Variants in RRM1 observed in about 807,000 individuals in gnomAD.
RRM1 encodes ribonucleotide reductase catalytic subunit M1, also known as ribonucleoside-diphosphate reductase large subunit.
In RRM1, 19 loss-of-function variants were observed where a neutral mutation model predicts 101.5. The ratio of observed to expected loss-of-function variants is 0.19; its 90% CI spans 0.13 to 0.27. The LOEUF is 0.27. RRM1 is among the 10% of genes least tolerant of loss of function. The pLI is 1.00. For missense variants in RRM1, 500 were observed against 962.9 expected (o/e 0.52, Z 6.36); for synonymous variants, 298 against 323.4 (o/e 0.92, Z 0.84).
chr11:4,129,611 GA>G (rs5789323), intron 15 of RRM1, among the ~76,000 whole-genome samples: 133,402 of 151,818 alleles, frequency 0.88, 58,918 homozygotes, highest in South Asian at 0.93. Context: ...TAGACTATAT[GA>G]AAAAAAAATT....
intron 1 of RRM1, among the ~76,000 whole-genome samples, chr11:4,099,677 GGCTTT>G (rs2094548541): frequency 1.3e-5 from 2 of 152,086 alleles, no homozygotes; most frequent in Admixed American, 6.6e-5. Context: ...AACTAAGAAA[GGCTTT>G]GCTTGAGAGA....
chr11:4,124,818 C>A (rs2094586927), intron 12 of RRM1, among the ~76,000 whole-genome samples: 1 of 142,856 alleles, frequency 7.0e-6, no homozygotes, highest in African/African-American at 2.5e-5. Flanking sequence ...TTAAAATGTA[C>A]AATTCAGTGT....
chr11:4,121,853 C>A, intron 10 of RRM1, 88 bp downstream of exon 10: 2 of 1,280,206 alleles, frequency 1.6e-6, no homozygotes, highest in African/African-American at 1.5e-5. Flanking sequence ...TTAGGAAGAG[C>A]CCATATGTGT....
intron 15 of RRM1, among the ~76,000 whole-genome samples, chr11:4,130,834 C>T (rs1022138477): frequency 3.9e-5 from 6 of 152,058 alleles, no homozygotes; most frequent in Non-Finnish European, 7.4e-5. Context: ...ATATGTAGGA[C>T]TTTTCACAAC....
chr11:4,107,998 G>A (rs1442756579), intron 4 of RRM1, among the ~76,000 whole-genome samples: 2 of 152,094 alleles, frequency 1.3e-5, no homozygotes, highest in Non-Finnish European at 2.9e-5. Context: ...TGTATGGTAG[G>A]TGTTTTGCTC....
intron 1 of RRM1, among the ~76,000 whole-genome samples, chr11:4,096,431 T>G (rs1408397992): frequency 1.3e-5 from 2 of 152,222 alleles, no homozygotes; most frequent in Non-Finnish European, 2.9e-5. Context: ...AAGCAGGTAG[T>G]TGATTTGGTT....
At chr11:4,137,683 C>G (rs1187394372) in intron 18 of RRM1, among the ~76,000 whole-genome samples, 1 of 19,752 alleles carries the variant, frequency 5.1e-5, no homozygotes, top group East Asian at 1.5e-3. Context: ...CTGACCCCCC[C>G]ACCTCCCTCC....
intron 2 of RRM1, among the ~76,000 whole-genome samples, chr11:4,104,972 T>C (rs1289518354): frequency 6.6e-6 from 1 of 152,074 alleles, no homozygotes; most frequent in Admixed American, 6.5e-5. Context: ...GAATGAAAAA[T>C]GGGGAAACCC....
At chr11:4,103,781 A>ATTTTTTTTTTTTT (rs36062278) in intron 2 of RRM1, among the ~76,000 whole-genome samples, 10 of 115,246 alleles carry the variant, frequency 8.7e-5, no homozygotes, top group African/African-American at 2.7e-4. Context: ...CCACCACGCT[A>ATTTTTTTTTTTTT]TTTTTTTTTT....
chr11:4,120,452 C>T (rs1340000285), intron 9 of RRM1, among the ~76,000 whole-genome samples: 2 of 152,060 alleles, frequency 1.3e-5, no homozygotes, highest in Admixed American at 6.5e-5. Flanking sequence ...TAGCCTTGAC[C>T]TCCTGGACTT....
intron 2 of RRM1, 97 bp from the exon 3 acceptor site, chr11:4,105,949 C>A: frequency 1.0e-6 from 1 of 983,344 alleles, no homozygotes; most frequent in Non-Finnish European, 1.6e-6. Context: ...TAGGCATGTA[C>A]TACCACACCT....
In RRM1 at chr11:4,138,369, A is replaced by G. The variant is rs758721852; in HGVS notation, c.2365A>G (p.Met789Val). 7.5e-6 allele frequency: 12 copies of G among 1,605,518 alleles called. No homozygotes were observed. Among genetic ancestry groups the G allele is most frequent in the Non-Finnish European group, 1.0e-5 (12 of 1,176,546 alleles). The change falls in exon 19 of 19, where the codon ATG (methionine) becomes GTG (valine). Residue 789 changes from methionine (M) to valine (V), a missense_variant. Transcript: ENST00000300738. Reference protein sequence around the residue: ...CSLENRDECLMCGS With the variant: ...CSLENRDECLVCGS Reference sequence around the variant, plus strand: ...TTTGGAGAATAGAGATGAATGTCTGATGTGTGGATCCTGAGGAAAGACTTG... The same window carrying G: ...TTTGGAGAATAGAGATGAATGTCTGGTGTGTGGATCCTGAGGAAAGACTTG...
chr11:4,121,476 CTTTTA>C (rs2094581824), intron 9 of RRM1, 123 bp from the exon 10 acceptor site: 4 of 553,976 alleles, frequency 7.2e-6, no homozygotes, highest in Non-Finnish European at 1.1e-5. Flanking sequence ...TTTTATAATA[CTTTTA>C]TTTATGTTAT....
intron 1 of RRM1, among the ~76,000 whole-genome samples, 174 bp downstream of exon 1, chr11:4,095,205 C>T (rs546197244): frequency 1.3e-5 from 2 of 152,316 alleles, no homozygotes; most frequent in East Asian, 3.9e-4. Flanking sequence ...GTCAGCCTGC[C>T]CCGAACCTCC....
intron 1 of RRM1, among the ~76,000 whole-genome samples, chr11:4,098,692 C>T (rs182044172): frequency 1.3e-5 from 2 of 152,186 alleles, no homozygotes; most frequent in Non-Finnish European, 2.9e-5. Flanking sequence ...TGCTAGGAAC[C>T]GTTGTAGGCA....
intron 13 of RRM1, 46 bp from the exon 14 acceptor site, chr11:4,126,989 G>A (rs760535913): frequency 6.5e-7 from 1 of 1,536,896 alleles, no homozygotes; most frequent in Non-Finnish European, 8.8e-7. Context: ...TGCTTTTCCT[G>A]TTCAGTAATG....
intron 14 of RRM1, 117 bp downstream of exon 14, chr11:4,127,373 T>G (rs1460298380): frequency 1.7e-6 from 1 of 595,220 alleles, no homozygotes. Context: ...TTAATTTCAT[T>G]TGGTTCAAAA....
At chr11:4,114,502 A>C (rs1565183060) in intron 7 of RRM1, among the ~76,000 whole-genome samples, 1 of 151,266 alleles carries the variant, frequency 6.6e-6, no homozygotes, top group Admixed American at 6.6e-5. Context: ...GTGAGCCAAC[A>C]TCGCACCACT....
In RRM1 at chr11:4,132,459, C is replaced by T; in HGVS notation, c.1905+38C>T. 1 of 1,608,902 alleles carries T rather than the reference C, an allele frequency of 6.2e-7. No individual in the cohort carries two copies. Among genetic ancestry groups the T allele is most frequent in the South Asian group, 1.1e-5 (1 of 90,620 alleles). On this transcript the variant is annotated intron_variant, in intron 16 of 18. Coordinates refer to ENST00000300738, the MANE Select transcript of RRM1 (RefSeq NM_001033.5). This position sits in a 1 kb window ranked among gnomAD's most constrained non-coding sequence, Gnocchi z 4.1. ...CAACCAGCCTTACAGGGAGATCTTT[C>T]AAAAGCCTGATGTTGGGAGTAAATG...
Sources: allele counts gnomAD v4.1 joint callset (sites outside exome capture counted in the v4.1 genomes callset), GRCh38; gene constraint gnomAD v4.1.1; non-coding constraint Gnocchi (gnomAD v3.1); transcripts MANE v1.5; gene names NCBI Gene and HGNC (gene_info 2026-07-23, HGNC 2026-07-21).